Variants in IARS2 observed in about 807,000 individuals in gnomAD.
The protein encoded by IARS2 is isoleucyl-tRNA synthetase 2, mitochondrial.
IARS2 carries 56 observed loss-of-function variants against 126.3 expected under a neutral mutation model. The observed-to-expected ratio is 0.44, with a 90% CI of 0.36 to 0.55. The LOEUF is 0.55. Among genes scored for constraint, IARS2 ranks in the 20% least tolerant of loss-of-function variants. The pLI, the probability that IARS2 is intolerant of heterozygous loss-of-function variation, is 0.00. For synonymous variants in IARS2, 407 were observed against 441.1 expected, an observed-to-expected ratio of 0.92 and a Z score of 0.97; for missense variants, 1,127 against 1,245.9, an observed-to-expected ratio of 0.90 and a Z score of 1.44.
chr1:220,137,470 GT>G (rs1022774460), intron 16 of IARS2, among the ~76,000 whole-genome samples: 3 of 152,040 alleles, frequency 2.0e-5, no homozygotes, highest in African/African-American at 7.2e-5. Flanking sequence ...TCATTTGTCT[GT>G]TTTTTTCTAT....
intron 22 of IARS2, among the ~76,000 whole-genome samples, chr1:220,146,276 G>A (rs1657585637): frequency 6.6e-6 from 1 of 152,102 alleles, no homozygotes; most frequent in Admixed American, 6.6e-5. Flanking sequence ...CAGCATTTTG[G>A]GAGGCCGAGG....
chr1:220,144,166 A>G (rs1571866109), intron 21 of IARS2: 2 of 798,048 alleles, frequency 2.5e-6, no homozygotes, highest in East Asian at 2.4e-5. Context: ...GAGGTTCACA[A>G]CAATTTTCCC....
chr1:220,117,338 T>C (rs547738140), intron 12 of IARS2, among the ~76,000 whole-genome samples: 139 of 151,796 alleles, frequency 9.2e-4, no homozygotes, highest in African/African-American at 3.2e-3. Context: ...ATTAGAGGCA[T>C]GTGCCACCAC....
chr1:220,119,363 T>G (rs112575662), intron 12 of IARS2, among the ~76,000 whole-genome samples: 4 of 152,230 alleles, frequency 2.6e-5, no homozygotes, highest in African/African-American at 9.6e-5. Context: ...TACTGGTAAG[T>G]GGTTTCACCC....
intron 10 of IARS2, among the ~76,000 whole-genome samples, chr1:220,110,234 AT>A (rs948892044): frequency 1.7e-4 from 25 of 151,028 alleles, no homozygotes; most frequent in African/African-American, 6.1e-4. Flanking sequence ...ATTTTTTTGT[AT>A]TTTTAATAGA....
chr1:220,129,580 C>G (rs1360524006), intron 14 of IARS2, among the ~76,000 whole-genome samples: 1 of 152,138 alleles, frequency 6.6e-6, no homozygotes, highest in Non-Finnish European at 1.5e-5. Flanking sequence ...TTTTTTAGCT[C>G]CCACATATGA....
At position 220,139,143 on chromosome 1, in the gene IARS2, A is replaced by G; in HGVS notation, c.2307+4A>G. On this transcript the variant is annotated splice_donor_region_variant and intron_variant, in intron 18 of 22. Transcript: ENST00000366922. ...ACTGCAGGATTTGGCAAACAAGGTA[A>G]ATGTAAATTAATAAACTTTTGGAAA... The G allele has an allele frequency of 6.3e-7, 1 of 1,599,618 alleles. No homozygotes were observed. Among genetic ancestry groups the G allele is most frequent in the Non-Finnish European group, 8.5e-7 (1 of 1,174,668 alleles).
chr1:220,107,386 GATA>G (rs1466637275), intron 10 of IARS2, among the ~76,000 whole-genome samples: 5 of 152,338 alleles, frequency 3.3e-5, no homozygotes, highest in African/African-American at 7.2e-5. Flanking sequence ...GGGCTATGGA[GATA>G]ATAATCAGCA....
chr1:220,136,964 G>A, intron 16 of IARS2, 53 bp downstream of exon 16: 3 of 1,074,410 alleles, frequency 2.8e-6, no homozygotes, highest in Non-Finnish European at 2.8e-6. Context: ...TCTTAAATTG[G>A]CAGCCAAAGC....
intron 14 of IARS2, among the ~76,000 whole-genome samples, chr1:220,130,714 C>T (rs1393280237): frequency 2.0e-5 from 3 of 152,072 alleles, no homozygotes; most frequent in South Asian, 4.2e-4. Context: ...CCTGCCACCA[C>T]GCCTGGCTAA....
rs1284619083 is a variant in IARS2 at position 220,126,116 on chromosome 1, A to C, written c.1744-634A>C. 2.0e-5 allele frequency among the ~76,000 whole-genome samples: 3 copies of C among 151,136 alleles called. No individual in the cohort carries two copies. The East Asian group carries it at 5.8e-4, about 29-fold the overall frequency. ...AGTGAAACTCTGTCTCAAAAAAAAAAAAAAAAAGAAAAAGAAAAAGCCACG... is the reference window on the plus strand; with the variant it reads ...AGTGAAACTCTGTCTCAAAAAAAAACAAAAAAAGAAAAAGAAAAAGCCACG... On this transcript the variant is annotated intron_variant, in intron 13 of 22. Transcript: ENST00000366922.
intron 10 of IARS2, among the ~76,000 whole-genome samples, chr1:220,109,969 T>C (rs905107956): frequency 5.9e-5 from 9 of 152,338 alleles, no homozygotes; most frequent in South Asian, 2.1e-4. Context: ...ATTTGGAGTC[T>C]GATTAAGATT....
At chr1:220,101,993 A>G in intron 3 of IARS2, 136 bp from the exon 4 acceptor site, 1 of 740,332 alleles carries the variant, frequency 1.4e-6, no homozygotes, top group South Asian at 1.8e-5. Flanking sequence ...CCTGGGTGAC[A>G]GCGAGACTGT....
At chr1:220,139,163 T>G (rs1657439738) in intron 18 of IARS2, 24 bp downstream of exon 18, 2 of 1,590,380 alleles carry the variant, frequency 1.3e-6, no homozygotes, top group Admixed American at 3.5e-5. Context: ...AATAAACTTT[T>G]GGAAACTAGA....
At chr1:220,136,957 T>A in intron 16 of IARS2, 46 bp downstream of exon 16, 1 of 1,218,974 alleles carries the variant, frequency 8.2e-7, no homozygotes, top group Non-Finnish European at 1.2e-6. Flanking sequence ...TTAAGGATCT[T>A]AAATTGGCAG....
At chr1:220,143,815 T>A (rs1487086598) in intron 21 of IARS2, 1 of 475,118 alleles carries the variant, frequency 2.1e-6, no homozygotes, top group Admixed American at 3.9e-5. Context: ...TTGGGATTTT[T>A]AGGGGTTGAT....
rs2102820896 is a variant in IARS2, at chr1:220,107,171, A to C, written c.1327+20A>C. The C allele has an allele frequency of 6.5e-7, 1 of 1,526,902 alleles. No homozygotes were observed. The highest frequency in any genetic ancestry group is 1.1e-5 in the South Asian group (1 of 89,064). The allele number at this position is 1,526,902 out of a possible 1,614,324, so 94.6% of individuals were successfully genotyped here. A position where few individuals can be genotyped will look rare whatever the true frequency, so the allele number is the denominator to read the frequency against. ...ATGTGGGTGAGCATCATATCTGTTG[A>C]TATCATACATGTTTTCTGAAAAGTA... On this transcript the variant is annotated intron_variant, in intron 10 of 22. Transcript: ENST00000366922.
chr1:220,137,305 T>C (rs1339385665), intron 16 of IARS2, among the ~76,000 whole-genome samples: 3 of 152,180 alleles, frequency 2.0e-5, no homozygotes, highest in Admixed American at 2.0e-4. Context: ...TGTAGTTAAA[T>C]GGAAATGATG....
At chr1:220,133,530 A>C (rs1252155794) in intron 14 of IARS2, among the ~76,000 whole-genome samples, 1 of 152,248 alleles carries the variant, frequency 6.6e-6, no homozygotes, top group Non-Finnish European at 1.5e-5. Flanking sequence ...CTAAATTTTC[A>C]GTCTTAGGAC....
Sources: allele counts gnomAD v4.1 joint callset (sites outside exome capture counted in the v4.1 genomes callset), GRCh38; gene constraint gnomAD v4.1.1; transcripts MANE v1.5; gene names NCBI Gene and HGNC (gene_info 2026-07-23, HGNC 2026-07-21).